Variants in MED14 observed in about 807,000 individuals in gnomAD.
MED14 encodes mediator of RNA polymerase II transcription subunit 14.
In MED14, 8 loss-of-function variants were observed where a neutral mutation model predicts 109.0. The observed-to-expected ratio is 0.07, with a 90% confidence interval of 0.04 to 0.13. The LOEUF (loss-of-function observed/expected upper bound fraction) is 0.13. Ranked by LOEUF, MED14 falls within the 10% of genes least tolerant of loss-of-function variation. The probability of loss-of-function intolerance (pLI) is 1.00; values close to 1 mark genes in which losing one functional copy is unlikely to be tolerated. For synonymous variants in MED14, 399 were observed against 408.7 expected (o/e 0.98, Z 0.29); for missense variants, 711 against 1,142.4 (o/e 0.62, Z 5.44).
chrX:40,665,068 A>G lies in MED14; in HGVS notation c.3266-579T>C, dbSNP rs758231905. Among the ~76,000 whole-genome samples the G allele has an allele frequency of 8.9e-5, 10 of 112,293 alleles. No individual in the cohort carries two copies. The Admixed American group carries it at 9.5e-4, about 11-fold the overall frequency. ...ATTTCATCCTCCAGATACCTTCAAC[A>G]TATTATTTATATCCCTCTGTAACCA... On this transcript the variant is annotated intron_variant, in intron 24 of 30. Transcript: ENST00000324817.
At chrX:40,697,558 G>A (rs1476877787) in intron 12 of MED14, among the ~76,000 whole-genome samples, 1 of 112,004 alleles carries the variant, frequency 8.9e-6, no homozygotes, top group African/African-American at 3.2e-5. Flanking sequence ...TGTGTGAAGT[G>A]TGTAGTATAC....
At position 40,664,330 on chromosome X, in the gene MED14, G is replaced by A; in HGVS notation, c.3425C>T (p.Ser1142Phe). 1.7e-6 allele frequency: 2 copies of A among 1,202,207 alleles called. No individual in the cohort carries two copies. Among genetic ancestry groups the A allele is most frequent in the Non-Finnish European group, 2.2e-6 (2 of 892,230 alleles). Residue 1142 changes from serine to phenylalanine, a missense_variant, in exon 25 of 31, where the codon TCT (serine) becomes TTT (phenylalanine). Coordinates refer to ENST00000324817, the MANE Select transcript of MED14 (RefSeq NM_004229.4). Reference protein sequence around the residue: ...PSLHSPVPDASHSPRAGTSSQ... With the variant: ...PSLHSPVPDAFHSPRAGTSSQ... Reference sequence around the variant, plus strand: ...ACTTGTTCCAGCTCGAGGGGAATGAGAAGCATCTGGAACCGGAGAATGTAG... The same window carrying A: ...ACTTGTTCCAGCTCGAGGGGAATGAAAAGCATCTGGAACCGGAGAATGTAG...
intron 7 of MED14, 60 bp from the exon 8 acceptor site, chrX:40,711,361 G>A (rs1036840885): frequency 2.5e-5 from 24 of 947,881 alleles, no homozygotes; most frequent in Non-Finnish European, 3.3e-5. Flanking sequence ...AAGTCCAGGA[G>A]AACTTCATTT....
At position 40,726,747 on chromosome X, in the gene MED14, G is replaced by A. The variant is rs766263342; in HGVS notation, c.347C>T (p.Ala116Val). 14 of 1,188,970 alleles carry A rather than the reference G, an allele frequency of 1.2e-5. No homozygotes were observed. In the Admixed American group the frequency reaches 1.8e-4, roughly 15 times the overall value. ...AGTAAAATAAAAAGTTTAACTCACC[G>A]CACATTTTTCCACTTTGCCAGCATT... The part of the protein sequence containing the change: ...ANNAGKVEKC[A>V]MISSFLDQQA... Residue 116 changes from alanine (A) to valine (V), a missense_variant and splice_region_variant, in exon 3 of 31, where the codon GCG becomes GTG. Transcript: ENST00000324817.
chrX:40,732,444 G>A lies in MED14; in HGVS notation c.215+2754C>T, dbSNP rs574232964. Among the ~76,000 whole-genome samples the A allele has an allele frequency of 1.6e-4, 17 of 108,527 alleles. No homozygotes were observed. The South Asian group carries it at 6.0e-3, about 39-fold the overall frequency. 94.2% of individuals were successfully genotyped at this position (108,527 alleles called of 115,157 possible). A position where few individuals can be genotyped will look rare whatever the true frequency, so the allele number is the denominator to read the frequency against. On this transcript the variant is annotated intron_variant, in intron 1 of 30. Coordinates refer to ENST00000324817, the MANE Select transcript of MED14 (RefSeq NM_004229.4). Reference sequence around the variant, plus strand: ...TGAGGCACAAGAATCACTTGAACCCGGGAGGCGGAGGCTGCAGCAAGCCGA... The same window carrying A: ...TGAGGCACAAGAATCACTTGAACCCAGGAGGCGGAGGCTGCAGCAAGCCGA...
intron 1 of MED14, 68 bp downstream of exon 1, chrX:40,735,130 T>C: frequency 1.2e-6 from 1 of 820,052 alleles, no homozygotes; most frequent in Non-Finnish European, 1.6e-6. Context: ...GAGAGGGAGG[T>C]GCAAACGTCT....
chrX:40,713,922 A>C lies in MED14; in HGVS notation c.523-15T>G, dbSNP rs752035747. The C allele has an allele frequency of 8.3e-7, 1 of 1,200,135 alleles. No homozygotes were observed. Among genetic ancestry groups the C allele is most frequent in the East Asian group, 3.0e-5 (1 of 33,710 alleles). On this transcript the variant is annotated splice_polypyrimidine_tract_variant and intron_variant, in intron 4 of 30. Transcript: ENST00000324817. The stretch of plus-strand genomic sequence containing the variant: ...ATAATTTTGTCCTGCAAAAAAATTT[A>C]AGTGATTTTTAAATAATGTACAAAC...
intron 3 of MED14, among the ~76,000 whole-genome samples, chrX:40,715,809 AAAAG>A (rs1293801617): frequency 8.6e-5 from 9 of 104,336 alleles, no homozygotes; most frequent in Non-Finnish European, 5.9e-5. Flanking sequence ...AAAAAAAAAA[AAAAG>A]GACAGACAAC....
chrX:40,735,946 AG>A (rs1410538354), upstream of MED14: 7 of 249,783 alleles, frequency 2.8e-5, no homozygotes, highest in African/African-American at 5.9e-5. Context: ...CGGGAACGTC[AG>A]CAGTTGCCCC....
chrX:40,693,041 C>A, intron 13 of MED14, 139 bp from the exon 14 acceptor site: 1 of 429,784 alleles, frequency 2.3e-6, no homozygotes. Flanking sequence ...TCAATCGTAT[C>A]AAAAAAAAGC....
intron 21 of MED14, among the ~76,000 whole-genome samples, chrX:40,679,591 C>T (rs114612555): frequency 2.7e-3 from 304 of 112,098 alleles, no homozygotes; most frequent in African/African-American, 9.4e-3. Context: ...GTTCCAAAGA[C>T]CAAACACAAA....
In MED14 at chrX:40,726,683, C is replaced by T. The variant is rs759878223; in HGVS notation, c.348+63G>A. ...GATAAGTTAAAGCTAAAATGTAAAA[C>T]TATGTCTATCATAACATTCGAAAAG... On this transcript the variant is annotated intron_variant, in intron 3 of 30. Transcript: ENST00000324817. The T allele has an allele frequency of 8.1e-4, 730 of 900,984 alleles. 1 individual carries two copies. Among genetic ancestry groups the T allele is most frequent in the Non-Finnish European group, 1.1e-3 (671 of 638,856 alleles). The allele number at this position is 900,984 out of a possible 1,213,427, so 74.3% of individuals were successfully genotyped here.
intron 16 of MED14, among the ~76,000 whole-genome samples, 193 bp downstream of exon 16, chrX:40,688,256 AAAAAC>A (rs1930367555): frequency 8.9e-6 from 1 of 111,837 alleles, no homozygotes. Context: ...AAACAACAAA[AAAAAC>A]AAAACCAAGT....
intron 24 of MED14, among the ~76,000 whole-genome samples, chrX:40,665,905 A>G (rs918304083): frequency 2.7e-5 from 3 of 112,537 alleles, no homozygotes; most frequent in Non-Finnish European, 3.8e-5. Flanking sequence ...ACAATAGGAG[A>G]GCAGTTAAGT....
upstream of MED14, chrX:40,735,819 C>A: frequency 3.0e-6 from 1 of 330,358 alleles, no homozygotes; most frequent in Non-Finnish European, 5.9e-6. Context: ...AGCTGTCTAG[C>A]ACCGCAGCGC....
At chrX:40,655,151 T>C (rs1204165403) in intron 28 of MED14, 91 bp from the exon 29 acceptor site, 5 of 889,573 alleles carry the variant, frequency 5.6e-6, no homozygotes, top group Non-Finnish European at 7.9e-6. Context: ...GAATTTTGTT[T>C]CATACCCAAT....
At chrX:40,727,203 A>G (rs1386305595) in intron 2 of MED14, among the ~76,000 whole-genome samples, 1 of 112,108 alleles carries the variant, frequency 8.9e-6, no homozygotes, top group Non-Finnish European at 1.9e-5. Context: ...GGAGTTATGA[A>G]TTATAAGTTC....
intron 10 of MED14, among the ~76,000 whole-genome samples, chrX:40,707,429 A>T (rs756562431): frequency 8.3e-4 from 93 of 111,813 alleles, no homozygotes; most frequent in Non-Finnish European, 1.4e-3. Flanking sequence ...TTACACTCCT[A>T]GGTGTACAGC....
At chrX:40,726,676 T>G in intron 3 of MED14, 70 bp downstream of exon 3, 1 of 853,549 alleles carries the variant, frequency 1.2e-6, no homozygotes, top group African/African-American at 2.0e-5. Flanking sequence ...AAAGCTAAAA[T>G]GTAAAACTAT....
Sources: allele counts gnomAD v4.1 joint callset (sites outside exome capture counted in the v4.1 genomes callset), GRCh38; gene constraint gnomAD v4.1.1; transcripts MANE v1.5; gene names NCBI Gene and HGNC (gene_info 2026-07-23, HGNC 2026-07-21).